The following GTF3C4 variants were observed in gnomAD, a reference collection of about 807,000 sequenced individuals.
The protein encoded by GTF3C4 is general transcription factor IIIC subunit 4, also known as general transcription factor 3C polypeptide 4.
In GTF3C4, 28 loss-of-function variants were observed where a neutral mutation model predicts 67.5. That is an observed-to-expected ratio of 0.41 (90% CI 0.31 to 0.57). The LOEUF (loss-of-function observed/expected upper bound fraction) is 0.57, where lower values mean the gene tolerates loss of function less well. Among genes scored for constraint, GTF3C4 ranks in the 20% least tolerant of loss-of-function variants. The pLI, the probability that GTF3C4 is intolerant of heterozygous loss-of-function variation, is 0.21. For missense variants in GTF3C4, 831 were observed against 1,033.2 expected (o/e 0.80, Z 2.68); for synonymous variants, 409 against 393.0 (o/e 1.04, Z -0.48).
rs572454966 is a variant in GTF3C4, at chr9:132,693,763, AGG to A, written c.*4820_*4821del. 47 of 152,360 alleles carry A rather than the reference AGG, an allele frequency of 3.1e-4. No homozygotes were observed. Among genetic ancestry groups the A allele is most frequent in the African/African-American group, 1.1e-3 (46 of 41,596 alleles). The allele number at this position is 152,360 out of a possible 1,614,324, so 9.4% of individuals were successfully genotyped here. ...TTTGGCTAGCAGACTGGTAAGGTTT[AGG>A]GTTCTCTCCACTAATGGAAAATTAA... On this transcript the variant is annotated 3_prime_UTR_variant, in exon 5 of 5. Transcript: ENST00000372146.
Position 132,678,966 on chromosome 9 carries a change from G to A in GTF3C4, c.1347G>A (p.Gln449=), listed in dbSNP as rs375549318. Residue 449 remains glutamine, a synonymous_variant, in exon 2 of 5, where the codon CAG becomes CAA. Transcript: ENST00000372146. This position sits in a 1 kb window ranked among gnomAD's most constrained non-coding sequence, Gnocchi z 6.5. ...YTCSSDGKVR[Q]LIPIFTDVAL... ...GCTCCAGTGACGGAAAGGTGAGGCA[G>A]CTGATTCCCATTTTCACAGATGTTG... 1 of 1,614,108 alleles carries A rather than the reference G, an allele frequency of 6.2e-7. No individual in the cohort carries two copies. The highest frequency in any genetic ancestry group is 1.3e-5 in the African/African-American group (1 of 74,934).
intron 1 of GTF3C4, among the ~76,000 whole-genome samples, chr9:132,673,748 A>G (rs1476981669): frequency 6.6e-6 from 1 of 152,188 alleles, no homozygotes; most frequent in Non-Finnish European, 1.5e-5. Flanking sequence ...TTTGCTCTAT[A>G]ATTCTGTTAT....
At position 132,691,065 on chromosome 9, in the gene GTF3C4, A is replaced by ACTGCCC. The variant is rs1248710892; in HGVS notation, c.*2124_*2125insCCCTGC. 6.6e-6 allele frequency: 1 copy of ACTGCCC among 152,200 alleles called. No homozygotes were observed. The highest frequency in any genetic ancestry group is 6.5e-5 in the Admixed American group (1 of 15,282). The allele number at this position is 152,200 out of a possible 1,614,324, so 9.4% of individuals were successfully genotyped here. A position where few individuals can be genotyped will look rare whatever the true frequency, so the allele number is the denominator to read the frequency against. On this transcript the variant is annotated 3_prime_UTR_variant, in exon 5 of 5. Coordinates refer to ENST00000372146, the MANE Select transcript of GTF3C4 (RefSeq NM_012204.4). ...AACAGTTTTTCTAGAACGTGGACTC[A>ACTGCCC]CTGCAGGGACTGGACCCAATGGCAT...
At chr9:132,672,717 G>A (rs967775765) in intron 1 of GTF3C4, among the ~76,000 whole-genome samples, 1 of 152,194 alleles carries the variant, frequency 6.6e-6, no homozygotes, top group African/African-American at 2.4e-5. Context: ...ATAGAGGCAA[G>A]AAGATGATTG....
intron 2 of GTF3C4, among the ~76,000 whole-genome samples, chr9:132,680,568 C>A (rs1835925201): frequency 6.6e-6 from 1 of 152,212 alleles, no homozygotes; most frequent in African/African-American, 2.4e-5. Context: ...CCACAAATAT[C>A]TGTACTCCTT....
chr9:132,670,513 G>T lies in GTF3C4; in HGVS notation c.-86G>T. 2 of 1,136,608 alleles carry T rather than the reference G, an allele frequency of 1.8e-6. No individual in the cohort carries two copies. Among genetic ancestry groups the T allele is most frequent in the Non-Finnish European group, 2.3e-6 (2 of 853,382 alleles). The allele number at this position is 1,136,608 out of a possible 1,614,324, so 70.4% of individuals were successfully genotyped here. A position where few individuals can be genotyped will look rare whatever the true frequency, so the allele number is the denominator to read the frequency against. On this transcript the variant is annotated 5_prime_UTR_variant, in exon 1 of 5. Transcript: ENST00000372146. The stretch of plus-strand genomic sequence containing the variant: ...TGAGGGGAGAAAACCGCCGCGGAGG[G>T]CGCTGGGGGTGGCGGCGGCGGTCCG...
rs1052714753 is a variant in GTF3C4, at chr9:132,678,221, A to T, written c.602A>T (p.Gln201Leu). 1 of 1,614,264 alleles carries T rather than the reference A, an allele frequency of 6.2e-7. No homozygotes were observed. Among genetic ancestry groups the T allele is most frequent in the Non-Finnish European group, 8.5e-7 (1 of 1,180,044 alleles). The change falls in exon 2 of 5, where the codon CAG (glutamine) becomes CTG (leucine). Residue 201 changes from glutamine (Q) to leucine (L), a missense_variant. By Grantham distance (113) the Gln-to-Leu change is moderately radical. This residue lies in a region of GTF3C4 where 390 missense variants were observed against 540.3 expected (regional missense o/e 0.72). Transcript: ENST00000372146. The surrounding 1 kb of genome is among the most constrained non-coding windows in gnomAD (Gnocchi z 6.5). ...LTIQANLNRL[Q>L]WVQLVDLTEI... is the part of the protein sequence containing the mutation. The stretch of plus-strand genomic sequence containing the variant: ...ATCCAGGCAAATCTCAACAGACTGC[A>T]GTGGGTCCAGCTGGTTGACCTGACT...
intron 4 of GTF3C4, 113 bp downstream of exon 4, chr9:132,687,440 C>G: frequency 1.1e-5 from 5 of 463,948 alleles, no homozygotes; most frequent in Non-Finnish European, 1.2e-5. Context: ...ATTGTGTTGT[C>G]GGGGGTGGGG....
intron 4 of GTF3C4, 58 bp from the exon 5 acceptor site, chr9:132,688,823 C>A: frequency 8.1e-7 from 1 of 1,234,724 alleles, no homozygotes; most frequent in Non-Finnish European, 1.2e-6. Flanking sequence ...CGGTATTCAT[C>A]CCTTTTGACT....
chr9:132,689,559 A>G lies in GTF3C4; in HGVS notation c.*614A>G, dbSNP rs708616. 0.48 allele frequency: 72,668 copies of G among 152,440 alleles called. 18,083 individuals carry two copies. The highest frequency in any genetic ancestry group is 0.61 in the African/African-American group (25,396 of 41,432). 9.4% of individuals were successfully genotyped at this position (152,440 alleles called of 1,614,324 possible). A position where few individuals can be genotyped will look rare whatever the true frequency, so the allele number is the denominator to read the frequency against. ...ATATTCTTAAGTTGAAGCCAAGACTAAAATTTAATGTGTCAAATGATCTGG... is the reference window on the plus strand; with the variant it reads ...ATATTCTTAAGTTGAAGCCAAGACTGAAATTTAATGTGTCAAATGATCTGG... On this transcript the variant is annotated 3_prime_UTR_variant, in exon 5 of 5. Coordinates refer to ENST00000372146, the MANE Select transcript of GTF3C4 (RefSeq NM_012204.4).
rs545086327 is a variant in GTF3C4 at position 132,685,424 on chromosome 9, A to G, written c.2315+1731A>G. Among the ~76,000 whole-genome samples the G allele has an allele frequency of 5.9e-5, 9 of 152,290 alleles. No individual in the cohort carries two copies. The South Asian group carries it at 1.9e-3, about 32-fold the overall frequency. On this transcript the variant is annotated intron_variant, in intron 3 of 4. Transcript: ENST00000372146. ...CATCACTACAAAGATAACATTCTTAATGGCTATAGAGGTTTCTAGTGTATG... is the reference window on the plus strand; with the variant it reads ...CATCACTACAAAGATAACATTCTTAGTGGCTATAGAGGTTTCTAGTGTATG...
At position 132,678,705 on chromosome 9, in the gene GTF3C4, G is replaced by C; in HGVS notation, c.1086G>C (p.Leu362Phe). Residue 362 changes from leucine (L) to phenylalanine (F), a missense_variant, in exon 2 of 5, where the codon TTG (leucine) becomes TTC (phenylalanine). By Grantham distance (22) the Leu-to-Phe change is conservative. Around this residue, in one of 4 missense-constraint regions of GTF3C4, gnomAD observed 390 missense variants for 540.3 expected, o/e 0.72. Transcript: ENST00000372146. This position sits in a 1 kb window ranked among gnomAD's most constrained non-coding sequence, Gnocchi z 6.5. ...GYFTLRQPVI[L>F]WKEMDQLPVH... ...TCACTTTAAGGCAGCCTGTTATCTT[G>C]TGGAAAGAAATGGACCAGTTACCTG... The C allele has an allele frequency of 6.2e-7, 1 of 1,614,176 alleles. No homozygotes were observed. The highest frequency in any genetic ancestry group is 1.1e-5 in the South Asian group (1 of 91,086).
At chr9:132,686,712 T>A (rs189745250) in intron 3 of GTF3C4, among the ~76,000 whole-genome samples, 24 of 152,332 alleles carry the variant, frequency 1.6e-4, no homozygotes, top group Non-Finnish European at 2.9e-4. Context: ...CCCAGTGTAC[T>A]GTCAGAGTCT....
intron 3 of GTF3C4, among the ~76,000 whole-genome samples, chr9:132,686,043 G>A (rs577520965): frequency 7.9e-5 from 12 of 152,318 alleles, no homozygotes; most frequent in Admixed American, 7.2e-4. Flanking sequence ...CCTTTACCAG[G>A]GCCAGGCAAA....
chr9:132,679,105 G>A lies in GTF3C4; in HGVS notation c.1486G>A (p.Gly496Ser). The part of the protein sequence containing the change: ...GAYLAIITTE[G>S]MINGLHPVNK... ...ATACCTGGCCATCATCACCACTGAG[G>A]GCATGATCAACGGCCTCCACCCTGT... The change falls in exon 2 of 5, where the codon GGC becomes AGC. Residue 496 changes from glycine to serine, a missense_variant. Transcript: ENST00000372146. This position sits in a 1 kb window ranked among gnomAD's most constrained non-coding sequence, Gnocchi z 5.9. The A allele has an allele frequency of 6.2e-7, 1 of 1,614,132 alleles. No individual in the cohort carries two copies. The highest frequency in any genetic ancestry group is 8.5e-7 in the Non-Finnish European group (1 of 1,180,032).
intron 2 of GTF3C4, among the ~76,000 whole-genome samples, chr9:132,681,079 G>T (rs550516782): frequency 1.3e-5 from 2 of 152,088 alleles, no homozygotes; most frequent in Non-Finnish European, 2.9e-5. Context: ...TTGCACAATC[G>T]ACAAGAGCAA....
At position 132,689,236 on chromosome 9, in the gene GTF3C4, T is replaced by C. The variant is rs1325259364; in HGVS notation, c.*291T>C. 5.4e-6 allele frequency: 2 copies of C among 366,990 alleles called. No homozygotes were observed. The highest frequency in any genetic ancestry group is 1.0e-5 in the Non-Finnish European group (2 of 193,854). The allele number at this position is 366,990 out of a possible 1,614,324, so 22.7% of individuals were successfully genotyped here. ...GAACACTTACTTATTTTTAAGTATCTTGACAGAAGCAATTTGAACACAGTG... is the reference window on the plus strand; with the variant it reads ...GAACACTTACTTATTTTTAAGTATCCTGACAGAAGCAATTTGAACACAGTG... On this transcript the variant is annotated 3_prime_UTR_variant, in exon 5 of 5. Coordinates refer to ENST00000372146, the MANE Select transcript of GTF3C4 (RefSeq NM_012204.4).
chr9:132,670,742 C>T lies in GTF3C4; in HGVS notation c.144C>T (p.Arg48=), dbSNP rs1265125484. The part of the protein sequence containing the change: ...DAAPGPSAAF[R]LMVTRREPAV... Reference sequence around the variant, plus strand: ...CCCCGGGGCCCAGCGCTGCATTCCGCCTCATGGTGACTCGGCGGGAGCCGG... The same window carrying T: ...CCCCGGGGCCCAGCGCTGCATTCCGTCTCATGGTGACTCGGCGGGAGCCGG... Residue 48 remains arginine (R), a synonymous_variant, in exon 1 of 5, where the codon CGC becomes CGT. Transcript: ENST00000372146. 1.3e-6 allele frequency: 2 copies of T among 1,551,916 alleles called. No homozygotes were observed. The highest frequency in any genetic ancestry group is 2.4e-5 in the East Asian group (1 of 41,712).
intron 3 of GTF3C4, among the ~76,000 whole-genome samples, chr9:132,684,479 A>G (rs1835996041): frequency 6.6e-6 from 1 of 152,050 alleles, no homozygotes; most frequent in African/African-American, 2.4e-5. Context: ...TGTGATAGTG[A>G]TTGTATCAAA....
Sources: allele counts gnomAD v4.1 joint callset (sites outside exome capture counted in the v4.1 genomes callset), GRCh38; gene constraint gnomAD v4.1.1; regional missense constraint gnomAD v4.1.1; non-coding constraint Gnocchi (gnomAD v3.1); transcripts MANE v1.5; gene names NCBI Gene and HGNC (gene_info 2026-07-23, HGNC 2026-07-21).